Variants in ATP2C1 observed in about 807,000 individuals in gnomAD.
ATP2C1 encodes the protein ATPase secretory pathway Ca2+ transporting 1, also known as calcium-transporting ATPase type 2C member 1.
A neutral mutation model predicts 120.5 loss-of-function variants in ATP2C1; 31 were observed. The observed-to-expected ratio is 0.26, with a 90% CI of 0.19 to 0.35. The LOEUF is 0.35. Ranked by LOEUF, ATP2C1 falls within the 10% of genes least tolerant of loss-of-function variation. The pLI, the probability that ATP2C1 is intolerant of heterozygous loss-of-function variation, is 1.00. For synonymous variants in ATP2C1, 351 were observed against 358.7 expected, an observed-to-expected ratio of 0.98 and a Z score of 0.24; for missense variants, 731 against 1,107.5, an observed-to-expected ratio of 0.66 and a Z score of 4.83.
chr3:130,880,685 C>T (rs570187686), intron 1 of ATP2C1, among the ~76,000 whole-genome samples: 9 of 152,218 alleles, frequency 5.9e-5, no homozygotes, highest in African/African-American at 2.2e-4. Flanking sequence ...TTGTAATTTC[C>T]CCTTTTTCAT....
chr3:130,943,325 C>T (rs1195873020), intron 8 of ATP2C1, among the ~76,000 whole-genome samples: 2 of 152,160 alleles, frequency 1.3e-5, no homozygotes, highest in Non-Finnish European at 2.9e-5. Flanking sequence ...AAGCAATTCT[C>T]CTGCCTCAGG....
At chr3:130,909,707 C>T (rs1003068899) in intron 2 of ATP2C1, among the ~76,000 whole-genome samples, 1 of 152,108 alleles carries the variant, frequency 6.6e-6, no homozygotes, top group Non-Finnish European at 1.5e-5. Flanking sequence ...ACCTTTTTAG[C>T]AACAGGTTTA....
At chr3:130,886,053 T>C (rs1007699663) in intron 1 of ATP2C1, among the ~76,000 whole-genome samples, 4 of 152,224 alleles carry the variant, frequency 2.6e-5, no homozygotes, top group Admixed American at 6.5e-5. Context: ...CAGCTTTTGT[T>C]TGTCTGGGAA....
chr3:130,917,290 T>C (rs563112633), intron 2 of ATP2C1, among the ~76,000 whole-genome samples: 2 of 152,252 alleles, frequency 1.3e-5, no homozygotes, highest in South Asian at 4.1e-4. Flanking sequence ...GATGGATTTG[T>C]TGGCATATTA....
intron 27 of ATP2C1, among the ~76,000 whole-genome samples, chr3:131,000,897 G>T (rs908114134): frequency 1.4e-4 from 22 of 152,064 alleles, no homozygotes; most frequent in Admixed American, 9.8e-4. Flanking sequence ...GAGGTCAGGA[G>T]TTCAAGACCA....
chr3:130,940,905 A>ATTTTTTTT lies in ATP2C1; in HGVS notation c.422+235_422+242dup, dbSNP rs749879416. On this transcript the variant is annotated intron_variant, in intron 7 of 27. Transcript: ENST00000510168. ...CTAGAGACATGGATGTATTTAACAG[A>ATTTTTTTT]TTTTTTTTTTTTTTTTTTTTTTTTT... Among the ~76,000 whole-genome samples, 183 of 86,104 alleles carry ATTTTTTTT rather than the reference A, an allele frequency of 2.1e-3. 22 individuals are homozygous for ATTTTTTTT. Among genetic ancestry groups the ATTTTTTTT allele is most frequent in the South Asian group, 5.1e-3 (11 of 2,154 alleles). 56.5% of individuals were successfully genotyped at this position (86,104 alleles called of 152,430 possible). A position where few individuals can be genotyped will look rare whatever the true frequency, so the allele number is the denominator to read the frequency against.
chr3:130,985,895 T>A (rs966438582), intron 20 of ATP2C1, among the ~76,000 whole-genome samples: 2 of 152,182 alleles, frequency 1.3e-5, no homozygotes, highest in Non-Finnish European at 2.9e-5. Flanking sequence ...TATGTGGCAC[T>A]GCTGTTTTTG....
intron 11 of ATP2C1, 95 bp downstream of exon 11, chr3:130,956,274 T>A: frequency 1.5e-6 from 1 of 687,284 alleles, no homozygotes; most frequent in South Asian, 1.8e-5. Flanking sequence ...TTGGCTTTTC[T>A]TTTTTTTATT....
downstream of ATP2C1, among the ~76,000 whole-genome samples, chr3:131,004,868 TAGGC>T (rs2108990333): frequency 6.6e-6 from 1 of 152,320 alleles, no homozygotes; most frequent in South Asian, 2.1e-4. Flanking sequence ...GTTGGAGAGA[TAGGC>T]AGGAACCTAA....
intron 2 of ATP2C1, chr3:130,919,095 G>C (rs892267248): frequency 9.0e-6 from 4 of 443,614 alleles, no homozygotes; most frequent in African/African-American, 6.4e-5. Context: ...CCCCACACTT[G>C]TTTCCACCTC....
intron 14 of ATP2C1, among the ~76,000 whole-genome samples, chr3:130,965,698 G>A (rs1004594831): frequency 2.0e-5 from 3 of 152,010 alleles, no homozygotes; most frequent in Non-Finnish European, 2.9e-5. Flanking sequence ...GTTTAGGATA[G>A]TCTAATGCCT....
chr3:130,865,127 C>T lies in ATP2C1; in HGVS notation c.108+14199C>T, dbSNP rs547427552. 1.1e-4 allele frequency among the ~76,000 whole-genome samples: 17 copies of T among 152,304 alleles called. No individual in the cohort carries two copies. The East Asian group carries it at 1.9e-3, about 17-fold the overall frequency. On this transcript the variant is annotated intron_variant, in intron 1 of 26. Transcript: ENST00000504381. ...GGAGCTGCCTAAGACCATGGGCACC[C>T]AATCTTGCATCAGCATGACCTGGAT... is the stretch of plus-strand genomic sequence containing the variant.
At chr3:131,000,140 C>T (rs906371474) in intron 27 of ATP2C1, among the ~76,000 whole-genome samples, 2 of 152,180 alleles carry the variant, frequency 1.3e-5, no homozygotes, top group Non-Finnish European at 2.9e-5. Context: ...TTGGAAATTA[C>T]ACATTTTTCT....
intron 1 of ATP2C1, among the ~76,000 whole-genome samples, chr3:130,858,607 A>G (rs548295096): frequency 6.6e-6 from 1 of 152,350 alleles, no homozygotes; most frequent in Non-Finnish European, 1.5e-5. Flanking sequence ...GGTGACTAGC[A>G]AAGTGCCTGA....
At chr3:130,856,786 G>C (rs1056140071) in intron 1 of ATP2C1, among the ~76,000 whole-genome samples, 1 of 152,096 alleles carries the variant, frequency 6.6e-6, no homozygotes, top group Non-Finnish European at 1.5e-5. Flanking sequence ...TGCTTGAGTA[G>C]AAAAAATTTC....
chr3:130,990,980 T>G (rs187928770), intron 20 of ATP2C1, among the ~76,000 whole-genome samples: 82 of 152,272 alleles, frequency 5.4e-4, no homozygotes, highest in African/African-American at 1.9e-3. Context: ...TGATCTGGAT[T>G]TCAGAAGAAA....
At position 130,894,885 on chromosome 3, in the gene ATP2C1, C is replaced by T; in HGVS notation, c.6+110C>T. On this transcript the variant is annotated intron_variant, in intron 2 of 27. Transcript: ENST00000510168. The surrounding 1 kb of genome is among the most constrained non-coding windows in gnomAD (Gnocchi z 4.5). ...TTATTTTCGTGAGCTTATTTATTTA[C>T]TGTGTATGTGAAGTGTCCAAGGATT... 8.6e-7 allele frequency: 1 copy of T among 1,168,090 alleles called. No homozygotes were observed. The highest frequency in any genetic ancestry group is 1.3e-6 in the Non-Finnish European group (1 of 773,698). 72.4% of individuals were successfully genotyped at this position (1,168,090 alleles called of 1,614,324 possible).
At chr3:130,896,494 A>G (rs1387801030) in intron 2 of ATP2C1, among the ~76,000 whole-genome samples, 2 of 152,170 alleles carry the variant, frequency 1.3e-5, no homozygotes, top group East Asian at 3.8e-4. Flanking sequence ...TTTTATATAT[A>G]AACAGTTTGA....
intron 8 of ATP2C1, among the ~76,000 whole-genome samples, chr3:130,953,510 A>T (rs1463376126): frequency 6.6e-6 from 1 of 152,152 alleles, no homozygotes; most frequent in Non-Finnish European, 1.5e-5. Flanking sequence ...TTGTCATGAA[A>T]AGTTGAGTTT....
Sources: gnomAD v4.1 joint callset for allele counts (sites outside exome capture counted in the v4.1 genomes callset) on GRCh38, gnomAD v4.1.1 for gene constraint, Gnocchi (gnomAD v3.1) non-coding constraint, MANE v1.5 for transcripts, NCBI Gene and HGNC (gene_info 2026-07-23, HGNC 2026-07-21) for gene names.